The following ATF7IP2 variants were observed in gnomAD, a reference collection of about 807,000 sequenced individuals.
The protein encoded by ATF7IP2 is activating transcription factor 7 interacting protein 2, also known as activating transcription factor 7-interacting protein 2.
In ATF7IP2, 42 loss-of-function variants were observed where a neutral mutation model predicts 64.2. That is an observed-to-expected ratio of 0.65 (90% confidence interval 0.51 to 0.85). The LOEUF (loss-of-function observed/expected upper bound fraction) is 0.85. ATF7IP2 is among the 40% of genes least tolerant of loss of function. The pLI, the probability that ATF7IP2 is intolerant of heterozygous loss-of-function variation, is 0.00. For synonymous variants in ATF7IP2, 308 were observed against 272.8 expected (o/e 1.13, Z -1.27); for missense variants, 933 against 784.2 (o/e 1.19, Z -2.27).
At chr16:10,448,739 G>C (rs766053892) in intron 8 of ATF7IP2, 2 of 151,534 alleles carry the variant, frequency 1.3e-5, no homozygotes, top group Non-Finnish European at 3.0e-5. Flanking sequence ...TCTAAAAATT[G>C]CATGTTATCT....
chr16:10,439,883 G>C (rs1436526253), intron 7 of ATF7IP2, among the ~76,000 whole-genome samples: 1 of 151,588 alleles, frequency 6.6e-6, no homozygotes, highest in African/African-American at 2.4e-5. Flanking sequence ...ACAAGCATAG[G>C]CTGGGCACGG....
chr16:10,433,081 G>A (rs1213506262), intron 5 of ATF7IP2, among the ~76,000 whole-genome samples: 5 of 152,044 alleles, frequency 3.3e-5, no homozygotes, highest in South Asian at 2.1e-4. Context: ...TTGTGGGTAC[G>A]TATTTATGCA....
At chr16:10,459,754 A>G (rs968199311) in intron 9 of ATF7IP2, among the ~76,000 whole-genome samples, 13 of 152,212 alleles carry the variant, frequency 8.5e-5, no homozygotes, top group African/African-American at 3.1e-4. Context: ...TATGATTAAA[A>G]TAAATTCGTG....
chr16:10,390,611 C>T (rs2047302511), intron 1 of ATF7IP2, among the ~76,000 whole-genome samples: 3 of 152,214 alleles, frequency 2.0e-5, no homozygotes, highest in African/African-American at 7.2e-5. Context: ...ACACAGGACC[C>T]TGTCTCTACA....
chr16:10,390,676 C>G (rs2141731466), intron 1 of ATF7IP2, among the ~76,000 whole-genome samples: 1 of 152,170 alleles, frequency 6.6e-6, no homozygotes, highest in African/African-American at 2.4e-5. Flanking sequence ...GTAGTCCTAC[C>G]TCCTTGGGAG....
Position 10,412,010 on chromosome 16 carries a change from G to GTTTTTTTTTTTTTTTTT in ATF7IP2, c.-241-2551_-241-2535dup, listed in dbSNP as rs71133351. ...CTTTTTGTTTCATTTATCTTTTTTT[G>GTTTTTTTTTTTTTTTTT]TTTTTTTTTTTTTTTTTTTTTTTTT... On this transcript the variant is annotated intron_variant, in intron 1 of 13. Transcript: ENST00000562102. Among the ~76,000 whole-genome samples, 20 of 58,390 alleles carry GTTTTTTTTTTTTTTTTT rather than the reference G, an allele frequency of 3.4e-4. 1 individual carries two copies. The highest frequency in any genetic ancestry group is 5.6e-4 in the Non-Finnish European group (17 of 30,164). The allele number at this position is 58,390 out of a possible 152,430, so 38.3% of individuals were successfully genotyped here.
chr16:10,427,593 GA>G (rs1339659705), intron 3 of ATF7IP2, among the ~76,000 whole-genome samples: 1 of 152,126 alleles, frequency 6.6e-6, no homozygotes, highest in Non-Finnish European at 1.5e-5. Flanking sequence ...ACAAGAACTG[GA>G]AATGTAATCC....
intron 8 of ATF7IP2, among the ~76,000 whole-genome samples, chr16:10,441,282 G>A (rs2048612757): frequency 6.6e-6 from 1 of 152,070 alleles, no homozygotes; most frequent in Non-Finnish European, 1.5e-5. Context: ...GGGATTGCTG[G>A]GTCATGTGGT....
intron 1 of ATF7IP2, among the ~76,000 whole-genome samples, chr16:10,398,165 G>T (rs984740595): frequency 6.6e-6 from 1 of 151,934 alleles, no homozygotes; most frequent in Non-Finnish European, 1.5e-5. Flanking sequence ...TTAGCTGGGT[G>T]CAGTGGTGGA....
intron 3 of ATF7IP2, among the ~76,000 whole-genome samples, chr16:10,423,359 G>C (rs1165821490): frequency 6.6e-6 from 1 of 152,176 alleles, no homozygotes; most frequent in Non-Finnish European, 1.5e-5. Flanking sequence ...AGGAGAACCT[G>C]GTCTATAATG....
rs539351353 is a variant in ATF7IP2, at chr16:10,459,561, T to A, written c.1352+2032T>A. 6.0e-5 allele frequency among the ~76,000 whole-genome samples: 9 copies of A among 150,778 alleles called. No homozygotes were observed. In the South Asian group the frequency reaches 1.9e-3, roughly 32 times the overall value. On this transcript the variant is annotated intron_variant, in intron 9 of 13. Transcript: ENST00000562102. ...ACTCGGGAGGCTGACACAGGAGAAT[T>A]GCTTGAACCCGGGAGGCAGAGGCTG...
Position 10,431,102 on chromosome 16 carries a change from C to A in ATF7IP2, c.482C>A (p.Ala161Asp), listed in dbSNP as rs771316238. The A allele has an allele frequency of 2.5e-6, 4 of 1,614,122 alleles. No homozygotes were observed. In the South Asian group the frequency reaches 4.4e-5, roughly 18 times the overall value. ...VTRSLFEHEG[A>D]CSLKSSCCPP... ...AGATCCCTTTTTGAGCATGAGGGGG[C>A]TTGTAGTCTAAAGTCCAGTTGCTGT... is the stretch of plus-strand genomic sequence containing the variant. The change falls in exon 5 of 14, where the codon GCT (alanine) becomes GAT (aspartate). Residue 161 changes from alanine (A) to aspartate (D), a missense_variant. By Grantham distance (126) the Ala-to-Asp change is moderately radical (BLOSUM62 -2). Transcript: ENST00000562102.
intron 10 of ATF7IP2, among the ~76,000 whole-genome samples, chr16:10,472,992 G>C (rs186560233): frequency 1.3e-5 from 2 of 151,678 alleles, no homozygotes; most frequent in African/African-American, 2.4e-5. Flanking sequence ...CTATGTTAAA[G>C]TATTTGCATC....
In ATF7IP2 at chr16:10,440,400, G is replaced by A; in HGVS notation, c.1132G>A (p.Val378Ile). 1 of 1,566,768 alleles carries A rather than the reference G, an allele frequency of 6.4e-7. No homozygotes were observed. Among genetic ancestry groups the A allele is most frequent in the African/African-American group, 1.4e-5 (1 of 72,084 alleles). The change falls in exon 8 of 14, where the codon GTA (valine) becomes ATA (isoleucine). Residue 378 changes from valine to isoleucine, a missense_variant. Val to Ile is a conservative substitution (Grantham distance 29). Coordinates refer to ENST00000562102, the MANE Select transcript of ATF7IP2 (RefSeq NM_001393719.1). ...IAKLQRRIKT[V>I]LLFQRNCLKP... Reference sequence around the variant, plus strand: ...AAAACTTCAAAGACGTATTAAAACAGTATTATTATTTCAAAGGAATTGTTT... The same window carrying A: ...AAAACTTCAAAGACGTATTAAAACAATATTATTATTTCAAAGGAATTGTTT...
chr16:10,444,003 G>A (rs2048717844), intron 8 of ATF7IP2, among the ~76,000 whole-genome samples: 1 of 152,146 alleles, frequency 6.6e-6, no homozygotes, highest in Non-Finnish European at 1.5e-5. Context: ...CAAATACCAT[G>A]CTAGACGGTC....
At chr16:10,439,676 G>A (rs1422878655) in intron 7 of ATF7IP2, among the ~76,000 whole-genome samples, 1 of 150,614 alleles carries the variant, frequency 6.6e-6, no homozygotes, top group African/African-American at 2.4e-5. Context: ...GGGATTACAG[G>A]CGCCTGCCAC....
intron 8 of ATF7IP2, among the ~76,000 whole-genome samples, chr16:10,444,875 C>T (rs971472749): frequency 6.6e-6 from 1 of 152,052 alleles, no homozygotes; most frequent in Non-Finnish European, 1.5e-5. Context: ...CAATTAATGC[C>T]TTAACTACAT....
chr16:10,469,273 G>C (rs1342915781), intron 9 of ATF7IP2, among the ~76,000 whole-genome samples: 2 of 152,080 alleles, frequency 1.3e-5, no homozygotes, highest in African/African-American at 2.4e-5. Flanking sequence ...AAAGCATGGA[G>C]AGGAAAAAGA....
chr16:10,406,030 A>G (rs374067870), intron 1 of ATF7IP2, among the ~76,000 whole-genome samples: 1 of 152,054 alleles, frequency 6.6e-6, no homozygotes, highest in African/African-American at 2.4e-5. Flanking sequence ...TGGAGGTTGC[A>G]GTGAGCTGAG....
Sources: gnomAD v4.1 joint callset for allele counts (sites outside exome capture counted in the v4.1 genomes callset) on GRCh38, gnomAD v4.1.1 for gene constraint, MANE v1.5 for transcripts, NCBI Gene and HGNC (gene_info 2026-07-23, HGNC 2026-07-21) for gene names.